BMP15: variants seen among roughly 807,000 people sequenced by gnomAD.
BMP15 encodes bone morphogenetic protein 15, also known as growth/differentiation factor 9B.
Under a neutral mutation model 4.4 loss-of-function variants are expected in BMP15, and 5 were observed. That is an observed-to-expected ratio of 1.13 (90% CI 0.59 to 2.38). BMP15 has a LOEUF of 2.38. BMP15 is among the 30% of genes most tolerant of loss of function. The pLI, the probability that BMP15 is intolerant of heterozygous loss-of-function variation, is 0.01. For synonymous variants in BMP15, 125 were observed against 114.6 expected, an observed-to-expected ratio of 1.09 and a Z score of -0.58; for missense variants, 339 against 309.8, an observed-to-expected ratio of 1.09 and a Z score of -0.71.
At chrX:50,913,509 A>G (rs781975178) in intron 1 of BMP15, among the ~76,000 whole-genome samples, 2 of 111,782 alleles carry the variant, frequency 1.8e-5, no homozygotes, top group African/African-American at 6.5e-5. Context: ...AGGCTTGTAC[A>G]GATGATGTGA....
chrX:50,911,273 G>A (rs1009280471), intron 1 of BMP15, among the ~76,000 whole-genome samples, 162 bp downstream of exon 1: 6 of 113,080 alleles, frequency 5.3e-5, no homozygotes, highest in African/African-American at 1.6e-4. Context: ...AGAAGCCAGC[G>A]CCAAGCCTAC....
intron 1 of BMP15, among the ~76,000 whole-genome samples, chrX:50,913,861 T>C (rs1393627853): frequency 2.7e-5 from 3 of 110,864 alleles, no homozygotes; most frequent in East Asian, 2.9e-4. Flanking sequence ...AAGATGGGAG[T>C]GTGGAATAAC....
chrX:50,912,236 C>G (rs1313483714), intron 1 of BMP15, among the ~76,000 whole-genome samples: 1 of 111,650 alleles, frequency 9.0e-6, no homozygotes, highest in Admixed American at 9.6e-5. Flanking sequence ...GTCACTTACC[C>G]ATGTCATACA....
Position 50,916,607 on chromosome X carries a change from A to G in BMP15, c.1179A>G (p.Ter393TrpextTer6), listed in dbSNP as rs1557280399. Residue 393 changes from the stop codon to tryptophan (W), a stop_lost, in exon 2 of 2, where the codon TGA (stop) becomes TGG (tryptophan). Coordinates refer to ENST00000252677, the MANE Select transcript of BMP15 (RefSeq NM_005448.2). Reference protein sequence around the residue: ...GMIAESCTCR* With the variant: ...GMIAESCTCRW The stretch of plus-strand genomic sequence containing the variant: ...TTGCTGAGTCTTGTACATGCAGATG[A>G]CAGCAACAGTACGGCTAGATCAGGT... The G allele has an allele frequency of 5.0e-6, 6 of 1,211,357 alleles. No individual in the cohort carries two copies. The highest frequency in any genetic ancestry group is 1.1e-6 in the Non-Finnish European group (1 of 895,475).
chrX:50,913,192 C>T (rs1923048770), intron 1 of BMP15, among the ~76,000 whole-genome samples: 1 of 110,981 alleles, frequency 9.0e-6, no homozygotes, highest in Non-Finnish European at 1.9e-5. Flanking sequence ...CTTTGGGAGG[C>T]CAATATGGGA....
rs2147793606 is a variant in BMP15 at position 50,915,782 on chromosome X, C to T, written c.354C>T (p.Gly118=). ...HRGTWHIQIL[G]FPLRPNRGLY... ...GTACCTGGCATATACAGATCCTGGG[C>T]TTTCCTCTCAGACCAAACCGAGGAC... is the stretch of plus-strand genomic sequence containing the variant. The change falls in exon 2 of 2, where the codon GGC becomes GGT. Residue 118 remains glycine (G), a synonymous_variant. Transcript: ENST00000252677. The T allele has an allele frequency of 8.3e-7, 1 of 1,209,664 alleles. No homozygotes were observed. The highest frequency in any genetic ancestry group is 3.0e-5 in the East Asian group (1 of 33,736).
At chrX:50,915,109 G>A (rs1371468764) in intron 1 of BMP15, among the ~76,000 whole-genome samples, 1 of 111,594 alleles carries the variant, frequency 9.0e-6, no homozygotes, top group East Asian at 2.8e-4. Context: ...ATGGAAGGCA[G>A]AAGTGGTAAG....
In BMP15 at chrX:50,916,564, AG is replaced by A; in HGVS notation, c.1138del (p.Glu380SerfsTer5). The part of the protein sequence containing the change: ...MIEANGSILY[K>X]EYEGMIAESC... ...GAGGCAAATGGGAGTATTTTGTACAAGGAGTATGAGGGTATGATTGCTGAGT... is the reference window on the plus strand; with the variant it reads ...GAGGCAAATGGGAGTATTTTGTACAAGAGTATGAGGGTATGATTGCTGAGT... On this transcript the variant is annotated frameshift_variant, in exon 2 of 2. Transcript: ENST00000252677. LOFTEE classifies it high-confidence loss of function. 3.3e-6 allele frequency: 4 copies of A among 1,211,345 alleles called. No homozygotes were observed. The highest frequency in any genetic ancestry group is 4.5e-6 in the Non-Finnish European group (4 of 895,382).
rs146901202 is a variant in BMP15 at position 50,916,437 on chromosome X, C to A, written c.1009C>A (p.His337Asn). ...ACGCGATGGTCTCAATTCCCCCAAT[C>A]ACGCCATTATTCAGAACCTTATCAA... ...VLRDGLNSPN[H>N]AIIQNLINQL... Residue 337 changes from histidine to asparagine, a missense_variant, in exon 2 of 2, where the codon CAC (histidine) becomes AAC (asparagine). Coordinates refer to ENST00000252677, the MANE Select transcript of BMP15 (RefSeq NM_005448.2). 2.9e-5 allele frequency: 35 copies of A among 1,208,632 alleles called. No individual in the cohort carries two copies. Among genetic ancestry groups the A allele is most frequent in the Non-Finnish European group, 3.8e-5 (34 of 894,497 alleles).
intron 1 of BMP15, among the ~76,000 whole-genome samples, chrX:50,914,118 C>A (rs998240110): frequency 2.7e-5 from 3 of 111,581 alleles, no homozygotes; most frequent in Non-Finnish European, 5.7e-5. Flanking sequence ...TTACAGGTGC[C>A]TGCCACCACG....
chrX:50,915,547 TATCTC>T (rs1557280262), intron 1 of BMP15, among the ~76,000 whole-genome samples: 2 of 111,586 alleles, frequency 1.8e-5, no homozygotes, highest in African/African-American at 6.5e-5. Flanking sequence ...GGATAATAAC[TATCTC>T]ATAAGACTAT....
chrX:50,911,587 G>A (rs1923017025), intron 1 of BMP15, among the ~76,000 whole-genome samples: 1 of 111,652 alleles, frequency 9.0e-6, no homozygotes. Context: ...ATGTGCTACT[G>A]TATTTCTTAA....
At chrX:50,911,168 G>C (rs1420484186) in intron 1 of BMP15, 57 bp downstream of exon 1, 9 of 1,115,553 alleles carry the variant, frequency 8.1e-6, no homozygotes, top group Admixed American at 2.6e-5. Context: ...GAGGAGTGTA[G>C]AGAAAAGGGA....
At chrX:50,915,610 G>C in intron 1 of BMP15, 147 bp from the exon 2 acceptor site, 1 of 686,975 alleles carries the variant, frequency 1.5e-6, no homozygotes, top group Admixed American at 2.6e-5. Context: ...GTATTAGTAA[G>C]TGCTCAGTAA....
intron 1 of BMP15, among the ~76,000 whole-genome samples, chrX:50,914,589 A>G (rs1923087806): frequency 8.9e-6 from 1 of 111,815 alleles, no homozygotes; most frequent in Admixed American, 9.5e-5. Context: ...TCTGGAAAAA[A>G]AAATTCTGGA....
Position 50,916,262 on chromosome X carries a change from C to T in BMP15, c.834C>T (p.Ala278=), listed in dbSNP as rs1557280340. The T allele has an allele frequency of 1.7e-6, 2 of 1,210,472 alleles. No individual in the cohort carries two copies. The highest frequency in any genetic ancestry group is 5.9e-5 in the East Asian group (2 of 33,805). Residue 278 remains alanine (A), a synonymous_variant, in exon 2 of 2, where the codon GCC becomes GCT. Transcript: ENST00000252677. ...QADGISAEVT[A]SSSKHSGPEN... ...ATGGTATCTCAGCTGAGGTTACTGC[C>T]TCTTCCTCAAAACATAGCGGGCCTG...
chrX:50,912,198 T>C (rs781794192), intron 1 of BMP15, among the ~76,000 whole-genome samples: 1 of 111,910 alleles, frequency 8.9e-6, no homozygotes, highest in South Asian at 3.8e-4. Context: ...ACATGCCTAC[T>C]TGATAGGTGA....
rs782248191 is a variant in BMP15 at position 50,913,183 on chromosome X, T to A, written c.328+2072T>A. Among the ~76,000 whole-genome samples the A allele has an allele frequency of 3.6e-5, 4 of 111,223 alleles. No homozygotes were observed. The East Asian group carries it at 1.1e-3, about 32-fold the overall frequency. On this transcript the variant is annotated intron_variant, in intron 1 of 1. Coordinates refer to ENST00000252677, the MANE Select transcript of BMP15 (RefSeq NM_005448.2). ...CAGAAAGTTGCAAAAAATCAAGCAC[T>A]TTGGGAGGCCAATATGGGAAGATCA...
At chrX:50,911,745 C>G (rs782224014) in intron 1 of BMP15, among the ~76,000 whole-genome samples, 23 of 111,894 alleles carry the variant, frequency 2.1e-4, no homozygotes, top group African/African-American at 5.2e-4. Context: ...TAAAGTCTGT[C>G]GGTAACTTCT....
Sources: gnomAD v4.1 joint callset for allele counts (sites outside exome capture counted in the v4.1 genomes callset) on GRCh38, gnomAD v4.1.1 for gene constraint, MANE v1.5 for transcripts, NCBI Gene and HGNC (gene_info 2026-07-23, HGNC 2026-07-21) for gene names.